Variants in TPTE2 observed in about 807,000 individuals in gnomAD.
The protein encoded by TPTE2 is phosphatidylinositol 3,4,5-trisphosphate 3-phosphatase TPTE2.
TPTE2 carries 53 observed loss-of-function variants against 78.6 expected under a neutral mutation model. The ratio of observed to expected loss-of-function variants is 0.67; its 90% CI spans 0.54 to 0.85. The LOEUF is 0.85. Ranked by LOEUF, TPTE2 falls within the 40% of genes least tolerant of loss-of-function variation. The probability of loss-of-function intolerance (pLI) is 0.00; values close to 1 mark genes in which losing one functional copy is unlikely to be tolerated. For synonymous variants in TPTE2, 175 were observed against 206.2 expected (o/e 0.85, Z 1.30); for missense variants, 461 against 623.0 (o/e 0.74, Z 2.77).
At chr13:19,553,332 T>TCCC in the TPTE2 span, among the ~76,000 whole-genome samples, 2 of 152,222 alleles carry the variant, frequency 1.3e-5, no homozygotes, top group East Asian at 3.8e-4. Context: ...TCCCACCAGT[T>TCCC]ACTGCTGCTG....
chr13:19,437,971 T>C, intron 14 of TPTE2, 121 bp downstream of exon 17: 1 of 1,400,262 alleles, frequency 7.1e-7, no homozygotes, highest in East Asian at 2.4e-5. Flanking sequence ...AAACTGCTTC[T>C]CTAATTACAA....
At chr13:19,554,844 T>G in the TPTE2 span, among the ~76,000 whole-genome samples, 2 of 152,190 alleles carry the variant, frequency 1.3e-5, no homozygotes, top group Admixed American at 6.5e-5. Flanking sequence ...CTGCTAGATT[T>G]TAAGTATTTT....
At chr13:19,491,408 G>C (rs950022568) in intron 3 of TPTE2, among the ~76,000 whole-genome samples, 3 of 152,078 alleles carry the variant, frequency 2.0e-5, no homozygotes, top group Admixed American at 2.0e-4. Context: ...ATAAGTGAGG[G>C]TATGCAAATC....
At chr13:19,457,557 T>G (rs181897889) in intron 10 of TPTE2, among the ~76,000 whole-genome samples, 134 of 152,062 alleles carry the variant, frequency 8.8e-4, no homozygotes, top group African/African-American at 3.0e-3. Flanking sequence ...CAGTGTGTGT[T>G]GTTCCCCATT....
chr13:19,439,215 A>G (rs1415237293), intron 13 of TPTE2, among the ~76,000 whole-genome samples: 1 of 152,146 alleles, frequency 6.6e-6, no homozygotes, highest in Non-Finnish European at 1.5e-5. Flanking sequence ...GCTCCTCCCA[A>G]TAAACAAGGA....
At chr13:19,462,709 A>G (rs1469710616) in intron 10 of TPTE2, among the ~76,000 whole-genome samples, 1 of 150,494 alleles carries the variant, frequency 6.6e-6, no homozygotes, top group East Asian at 2.0e-4. Flanking sequence ...CACCTAGCTA[A>G]TTTTTTTCTA....
At position 19,432,720 on chromosome 13, in the gene TPTE2, G is replaced by A. The variant is rs1370437241; in HGVS notation, c.1117-142C>T. 2.0e-5 allele frequency: 9 copies of A among 457,722 alleles called. No homozygotes were observed. In the Admixed American group the frequency reaches 2.7e-4, roughly 14 times the overall value. The allele number at this position is 457,722 out of a possible 1,614,324, so 28.4% of individuals were successfully genotyped here. A position where few individuals can be genotyped will look rare whatever the true frequency, so the allele number is the denominator to read the frequency against. On this transcript the variant is annotated intron_variant, in intron 15 of 19. Transcript: ENST00000400230. The stretch of plus-strand genomic sequence containing the variant: ...TTTACTGGATGCCATTATATAACTG[G>A]ACATTTTTAGGGATGCTGCCCCACA...
chr13:19,424,272 A>G (rs1875841478), intron 19 of TPTE2, among the ~76,000 whole-genome samples: 1 of 152,208 alleles, frequency 6.6e-6, no homozygotes, highest in African/African-American at 2.4e-5. Context: ...TTTCACCATC[A>G]CAAAACAAAT....
At chr13:19,506,415 C>T (rs997088135), upstream of TPTE2, among the ~76,000 whole-genome samples, 12 of 151,702 alleles carry the variant, frequency 7.9e-5, no homozygotes, top group East Asian at 1.9e-4. Flanking sequence ...CCTCGTGATC[C>T]GCCCGCCTTG....
the TPTE2 span, among the ~76,000 whole-genome samples, chr13:19,559,333 T>G: frequency 6.6e-6 from 1 of 152,350 alleles, no homozygotes; most frequent in Non-Finnish European, 1.5e-5. Flanking sequence ...AGAGTCTCTG[T>G]ACAGCCAAGG....
At chr13:19,455,511 C>T (rs1388276764) in intron 10 of TPTE2, among the ~76,000 whole-genome samples, 1 of 152,170 alleles carries the variant, frequency 6.6e-6, no homozygotes, top group Admixed American at 6.5e-5. Context: ...GACCTTGAAA[C>T]ATACCCATCA....
chr13:19,444,792 A>G (rs765781152), intron 13 of TPTE2, among the ~76,000 whole-genome samples: 4 of 152,238 alleles, frequency 2.6e-5, no homozygotes, highest in African/African-American at 7.2e-5. Flanking sequence ...CTACAGTAAG[A>G]TAGTTGTGCT....
chr13:19,534,467 T>C (rs768982719), intron 1 of TPTE2, among the ~76,000 whole-genome samples: 17 of 152,238 alleles, frequency 1.1e-4, no homozygotes, highest in Non-Finnish European at 2.5e-4. Context: ...ATAAAGATGT[T>C]ACTGAAATCA....
chr13:19,559,622 G>A, the TPTE2 span, among the ~76,000 whole-genome samples: 1 of 151,652 alleles, frequency 6.6e-6, no homozygotes, highest in African/African-American at 2.4e-5. Flanking sequence ...ACTCTGCTCT[G>A]AAGAGGGGGT....
At chr13:19,451,487 T>C (rs1318167709) in intron 10 of TPTE2, among the ~76,000 whole-genome samples, 1 of 152,148 alleles carries the variant, frequency 6.6e-6, no homozygotes, top group Non-Finnish European at 1.5e-5. Context: ...ATAAGTAAAT[T>C]AGCTGGTTAA....
rs1017884568 is a variant in TPTE2 at position 19,480,067 on chromosome 13, T to C, written c.179+2421A>G. Among the ~76,000 whole-genome samples, 10 of 87,814 alleles carry C rather than the reference T, an allele frequency of 1.1e-4. No homozygotes were observed. The South Asian group carries it at 2.3e-3, about 20-fold the overall frequency. The allele number at this position is 87,814 out of a possible 152,430, so 57.6% of individuals were successfully genotyped here. A position where few individuals can be genotyped will look rare whatever the true frequency, so the allele number is the denominator to read the frequency against. On this transcript the variant is annotated intron_variant, in intron 4 of 19. Transcript: ENST00000400230. ...GAATTAAAAGCACAAATATTAACTA[T>C]GAACATGACTCATTTTTTATCAATA...
Position 19,430,468 on chromosome 13 carries a change from C to T in TPTE2, c.1302G>A (p.Ser434=), listed in dbSNP as rs199589439. Reference sequence around the variant, plus strand: ...TTTCAATTCACATGTTTTCTCTTACCGAACAATTTCCTAATGAAGTACTGG... The same window carrying T: ...TTTCAATTCACATGTTTTCTCTTACTGAACAATTTCCTAATGAAGTACTGG... The change falls in exon 17 of 20, where the codon TCG becomes TCA. Residue 434 remains serine (S), a splice_region_variant and synonymous_variant. Transcript: ENST00000400230. The T allele has an allele frequency of 3.6e-5, 58 of 1,606,012 alleles. No homozygotes were observed. In the Admixed American group the frequency reaches 6.6e-4, roughly 18 times the overall value.
chr13:19,473,176 G>C (rs969251041), intron 6 of TPTE2, among the ~76,000 whole-genome samples: 9 of 152,192 alleles, frequency 5.9e-5, no homozygotes, highest in Non-Finnish European at 1.2e-4. Context: ...ACAGCACTGG[G>C]TCTTGCCCAA....
chr13:19,479,868 C>T lies in TPTE2; in HGVS notation c.179+2620G>A, dbSNP rs563200709. ...GTCCCAGCTACTCAGGAGGCTGAGG[C>T]AGGAGAATCGCTTGAACCTGGGAGG... On this transcript the variant is annotated intron_variant, in intron 4 of 19. Transcript: ENST00000400230. Among the ~76,000 whole-genome samples, 9 of 151,106 alleles carry T rather than the reference C, an allele frequency of 6.0e-5. 1 individual carries two copies. The South Asian group carries it at 1.9e-3, about 32-fold the overall frequency.
Sources: gnomAD v4.1 joint callset for allele counts (sites outside exome capture counted in the v4.1 genomes callset) on GRCh38, gnomAD v4.1.1 for gene constraint, MANE v1.5 for transcripts, NCBI Gene and HGNC (gene_info 2026-07-23, HGNC 2026-07-21) for gene names.